The following NRXN3 variants were observed in gnomAD, a reference collection of about 807,000 sequenced individuals.
NRXN3 encodes neurexin 3.
In NRXN3, 32 loss-of-function variants were observed where a neutral mutation model predicts 137.6. That is an observed-to-expected ratio of 0.23 (90% CI 0.18 to 0.31). The LOEUF is 0.31. Among genes scored for constraint, NRXN3 ranks in the 10% least tolerant of loss-of-function variants. The probability of loss-of-function intolerance (pLI) is 1.00; values close to 1 mark genes in which losing one functional copy is unlikely to be tolerated. For missense variants in NRXN3, 1,574 were observed against 2,062.5 expected (o/e 0.76, Z 4.59); for synonymous variants, 798 against 784.5 (o/e 1.02, Z -0.29).
chr14:78,694,666 G>A (rs1436626623), intron 6 of NRXN3, among the ~76,000 whole-genome samples: 1 of 151,940 alleles, frequency 6.6e-6, no homozygotes, highest in Admixed American at 6.6e-5. Flanking sequence ...GAAGCTTGGG[G>A]TCAAAAACCT....
Position 79,758,424 on chromosome 14 carries a change from T to C in NRXN3, c.4015-46688T>C, listed in dbSNP as rs150359094. Among the ~76,000 whole-genome samples, 23 of 152,104 alleles carry C rather than the reference T, an allele frequency of 1.5e-4. No individual in the cohort carries two copies. The East Asian group carries it at 4.3e-3, about 28-fold the overall frequency. On this transcript the variant is annotated intron_variant, in intron 19 of 20. Coordinates refer to ENST00000335750, the MANE Select transcript of NRXN3 (RefSeq NM_001330195.2). ...GAGAGAGGGAGAGCAAGAGAGAGGA[T>C]AGGAGGTTCAGGCAGTTTTTAACAA... is the stretch of plus-strand genomic sequence containing the variant.
chr14:79,264,410 C>T (rs979295370), intron 15 of NRXN3, among the ~76,000 whole-genome samples: 4 of 152,284 alleles, frequency 2.6e-5, no homozygotes, highest in African/African-American at 7.2e-5. Context: ...TTCATTTTCT[C>T]ACAGTTTTAG....
At chr14:78,854,883 A>C (rs759033099) in intron 10 of NRXN3, among the ~76,000 whole-genome samples, 1 of 152,130 alleles carries the variant, frequency 6.6e-6, no homozygotes, top group Non-Finnish European at 1.5e-5. Flanking sequence ...CATCCAGGGA[A>C]TATTGTCACT....
chr14:79,657,069 A>G (rs2098509970), intron 16 of NRXN3, among the ~76,000 whole-genome samples: 1 of 151,682 alleles, frequency 6.6e-6, no homozygotes, highest in African/African-American at 2.4e-5. Context: ...CCCATCATTA[A>G]CATATTTTTA....
intron 15 of NRXN3, among the ~76,000 whole-genome samples, chr14:79,273,535 G>A (rs1470054120): frequency 6.6e-6 from 1 of 152,064 alleles, no homozygotes; most frequent in African/African-American, 2.4e-5. Flanking sequence ...TTGGAAGGCT[G>A]AGGCAGGAGA....
intron 15 of NRXN3, among the ~76,000 whole-genome samples, chr14:79,048,451 A>G (rs973875720): frequency 6.6e-6 from 1 of 152,174 alleles, no homozygotes; most frequent in Non-Finnish European, 1.5e-5. Flanking sequence ...ATTGATTGAC[A>G]CCGATTGGCA....
At chr14:79,094,994 GT>G (rs1356806981) in intron 15 of NRXN3, among the ~76,000 whole-genome samples, 7 of 151,726 alleles carry the variant, frequency 4.6e-5, no homozygotes, top group Admixed American at 2.6e-4. Flanking sequence ...GTGTGTGTGT[GT>G]GTGTGTGTGT....
At chr14:79,125,512 C>T (rs1423840624) in intron 15 of NRXN3, among the ~76,000 whole-genome samples, 1 of 152,186 alleles carries the variant, frequency 6.6e-6, no homozygotes, top group Non-Finnish European at 1.5e-5. Flanking sequence ...CTCCTCCCTT[C>T]ATGATTTTTG....
intron 16 of NRXN3, among the ~76,000 whole-genome samples, chr14:79,645,258 G>C (rs1269962956): frequency 7.4e-6 from 1 of 135,010 alleles, no homozygotes; most frequent in African/African-American, 2.5e-5. Flanking sequence ...TTGGAATTCA[G>C]CCCAGCTTCC....
At chr14:79,115,482 A>G (rs1051356518) in intron 15 of NRXN3, among the ~76,000 whole-genome samples, 2 of 152,182 alleles carry the variant, frequency 1.3e-5, no homozygotes, top group Admixed American at 6.5e-5. Context: ...TTCTTTTAAG[A>G]AAAGTATAAA....
intron 8 of NRXN3, among the ~76,000 whole-genome samples, chr14:78,761,716 A>G (rs1323389568): frequency 6.6e-6 from 1 of 152,148 alleles, no homozygotes; most frequent in Non-Finnish European, 1.5e-5. Flanking sequence ...TAGAGTACAC[A>G]TTGGGGCCTC....
In NRXN3 at chr14:78,243,258, C is replaced by T. The variant is rs1227929302; in HGVS notation, c.165C>T (p.Phe55=). The T allele has an allele frequency of 3.8e-6, 6 of 1,558,828 alleles. No homozygotes were observed. Among genetic ancestry groups the T allele is most frequent in the Non-Finnish European group, 5.2e-6 (6 of 1,159,948 alleles). Reference sequence around the variant, plus strand: ...CACGCAGTGACCTGAGTTTCCAGTTCAAGACCAACGTCTCTACGGGGCTGC... The same window carrying T: ...CACGCAGTGACCTGAGTTTCCAGTTTAAGACCAACGTCTCTACGGGGCTGC... ...ASTRSDLSFQ[F]KTNVSTGLLL... Residue 55 remains phenylalanine, a synonymous_variant, in exon 2 of 21, where the codon TTC becomes TTT. Coordinates refer to ENST00000335750, the MANE Select transcript of NRXN3 (RefSeq NM_001330195.2). The surrounding 1 kb of genome is among the most constrained non-coding windows in gnomAD (Gnocchi z 4.2).
rs1442782321 is a variant in NRXN3, at chr14:78,243,249, T to A, written c.156T>A (p.Ser52Arg). The A allele has an allele frequency of 6.4e-7, 1 of 1,557,046 alleles. No individual in the cohort carries two copies. The change falls in exon 2 of 21, where the codon AGT (serine) becomes AGA (arginine). Residue 52 changes from serine (S) to arginine (R), a missense_variant. Ser to Arg is a moderately radical substitution (Grantham distance 110). Transcript: ENST00000335750. This position sits in a 1 kb window ranked among gnomAD's most constrained non-coding sequence, Gnocchi z 4.2. The part of the protein sequence containing the change: ...RWDASTRSDL[S>R]FQFKTNVSTG... ...ATGCCAGCACACGCAGTGACCTGAG[T>A]TTCCAGTTCAAGACCAACGTCTCTA...
intron 4 of NRXN3, among the ~76,000 whole-genome samples, chr14:78,417,032 G>T (rs1268040727): frequency 6.6e-6 from 1 of 152,154 alleles, no homozygotes; most frequent in African/African-American, 2.4e-5. Flanking sequence ...CTTGTAACTG[G>T]TCTTACCACT....
At chr14:78,883,966 T>C (rs1048001675) in intron 10 of NRXN3, among the ~76,000 whole-genome samples, 1 of 152,230 alleles carries the variant, frequency 6.6e-6, no homozygotes, top group Non-Finnish European at 1.5e-5. Context: ...AGATTAGTAA[T>C]GGTCAAGTGT....
chr14:79,554,064 T>TA (rs1324053398), intron 16 of NRXN3, among the ~76,000 whole-genome samples: 1 of 152,182 alleles, frequency 6.6e-6, no homozygotes, highest in Non-Finnish European at 1.5e-5. Flanking sequence ...TATTTTAATG[T>TA]AAAATACCAA....
At chr14:79,369,490 T>C (rs2094014127) in intron 15 of NRXN3, among the ~76,000 whole-genome samples, 1 of 152,196 alleles carries the variant, frequency 6.6e-6, no homozygotes, top group African/African-American at 2.4e-5. Context: ...TTGAAACATA[T>C]TCACAGAAAG....
Position 79,861,952 on chromosome 14 carries a change from G to T in NRXN3, c.4704G>T (p.Glu1568Asp). The stretch of plus-strand genomic sequence containing the variant: ...AGAAACAGAAAAACAAGGACAGGGA[G>T]TATTACGTGTAAACATGCGAACACT... ...GHKKQKNKDR[E>D]YYV is the part of the protein sequence containing the mutation. The change falls in exon 21 of 21, where the codon GAG (glutamate) becomes GAT (aspartate). Residue 1568 changes from glutamate to aspartate, a missense_variant. This residue lies in a region of NRXN3 where 320 missense variants were observed against 387.1 expected (regional missense o/e 0.83). Transcript: ENST00000335750. This position sits in a 1 kb window ranked among gnomAD's most constrained non-coding sequence, Gnocchi z 5.4. 6.2e-7 allele frequency: 1 copy of T among 1,612,102 alleles called. No individual in the cohort carries two copies. Among genetic ancestry groups the T allele is most frequent in the Non-Finnish European group, 8.5e-7 (1 of 1,178,920 alleles).
intron 16 of NRXN3, among the ~76,000 whole-genome samples, chr14:79,578,484 A>G (rs183430546): frequency 6.6e-6 from 1 of 152,194 alleles, no homozygotes; most frequent in East Asian, 1.9e-4. Flanking sequence ...AAGTCCCACA[A>G]CCTAAGCCGC....
Sources: gnomAD v4.1 joint callset for allele counts (sites outside exome capture counted in the v4.1 genomes callset) on GRCh38, gnomAD v4.1.1 for gene constraint, gnomAD v4.1.1 regional missense constraint, Gnocchi (gnomAD v3.1) non-coding constraint, MANE v1.5 for transcripts, NCBI Gene and HGNC (gene_info 2026-07-23, HGNC 2026-07-21) for gene names.